Variants in PTPRD observed in about 807,000 individuals in gnomAD.
The protein encoded by PTPRD is receptor-type tyrosine-protein phosphatase delta.
In PTPRD, 34 loss-of-function variants were observed where a neutral mutation model predicts 214.5. The ratio of observed to expected loss-of-function variants is 0.16; its 90% CI spans 0.12 to 0.21. The LOEUF (loss-of-function observed/expected upper bound fraction) is 0.21, where lower values mean the gene tolerates loss of function less well. Among genes scored for constraint, PTPRD ranks in the 10% least tolerant of loss-of-function variants. The probability of loss-of-function intolerance (pLI) is 1.00; values close to 1 mark genes in which losing one functional copy is unlikely to be tolerated. For missense variants in PTPRD, 2,545 were observed against 2,398.7 expected (o/e 1.06, Z -1.27); for synonymous variants, 1,128 against 845.7 (o/e 1.33, Z -5.79).
intron 10 of PTPRD, among the ~76,000 whole-genome samples, chr9:9,056,039 G>T (rs1325812928): frequency 6.6e-6 from 1 of 152,004 alleles, no homozygotes; most frequent in Non-Finnish European, 1.5e-5. Flanking sequence ...TACTAGAGTA[G>T]TTCTGGACTT....
chr9:9,384,402 C>T (rs962360369), intron 9 of PTPRD, among the ~76,000 whole-genome samples: 11 of 110,518 alleles, frequency 1.0e-4, no homozygotes, highest in African/African-American at 3.1e-4. Context: ...GTCAACAACC[C>T]TATCCAAGAG....
chr9:8,992,081 A>C (rs2099372534), intron 11 of PTPRD, among the ~76,000 whole-genome samples: 1 of 152,154 alleles, frequency 6.6e-6, no homozygotes, highest in African/African-American at 2.4e-5. Flanking sequence ...TTCCTTTAAT[A>C]GTCTCCTGTT....
At chr9:10,281,973 T>C (rs1167372792) in intron 3 of PTPRD, among the ~76,000 whole-genome samples, 1 of 149,196 alleles carries the variant, frequency 6.7e-6, no homozygotes, top group East Asian at 2.0e-4. Flanking sequence ...ATTGGGGGCC[T>C]AAGTAGTTAA....
chr9:9,991,109 C>T (rs2095901359), intron 4 of PTPRD, among the ~76,000 whole-genome samples: 1 of 150,962 alleles, frequency 6.6e-6, no homozygotes, highest in South Asian at 2.1e-4. Flanking sequence ...TAATTTTGTA[C>T]TTTTAGTAGA....
intron 2 of PTPRD, among the ~76,000 whole-genome samples, chr9:10,360,384 A>G (rs149353561): frequency 1.3e-5 from 2 of 152,234 alleles, no homozygotes; most frequent in Non-Finnish European, 2.9e-5. Flanking sequence ...ATATCAGACA[A>G]TGTCATGCCA....
intron 2 of PTPRD, among the ~76,000 whole-genome samples, chr9:10,385,765 T>C (rs1203802546): frequency 1.3e-5 from 2 of 151,878 alleles, no homozygotes; most frequent in Non-Finnish European, 2.9e-5. Context: ...GACACATAGA[T>C]GGCTATCACA....
At chr9:8,364,613 C>G (rs2079327202) in intron 39 of PTPRD, among the ~76,000 whole-genome samples, 1 of 151,788 alleles carries the variant, frequency 6.6e-6, no homozygotes, top group South Asian at 2.1e-4. Context: ...CCTGCCAAGA[C>G]AGCATGTCAA....
Position 9,947,561 on chromosome 9 carries a change from ATTTT to A in PTPRD, c.-471-8955_-471-8952del, listed in dbSNP as rs1478865855. On this transcript the variant is annotated intron_variant, in intron 4 of 45. Coordinates refer to ENST00000381196, the MANE Select transcript of PTPRD (RefSeq NM_002839.4). ...TATATAATATATATATTATATATAT[ATTTT>A]ATATATATATTATATATATATTATA... Among the ~76,000 whole-genome samples the A allele has an allele frequency of 4.0e-4, 16 of 40,250 alleles. No homozygotes were observed. In the South Asian group the frequency reaches 8.3e-3, roughly 21 times the overall value. The allele number at this position is 40,250 out of a possible 152,430, so 26.4% of individuals were successfully genotyped here.
Position 8,467,207 on chromosome 9 carries a change from C to T in PTPRD, c.3505-1532G>A, listed in dbSNP as rs562671845. Among the ~76,000 whole-genome samples the T allele has an allele frequency of 5.9e-5, 9 of 151,850 alleles. No homozygotes were observed. The South Asian group carries it at 1.2e-3, about 21-fold the overall frequency. ...AATGTAAGCTGTTTTAGGAAAACCA[C>T]GGTAGATTGGGCATCACTTGTTTAG... is the stretch of plus-strand genomic sequence containing the variant. On this transcript the variant is annotated intron_variant, in intron 31 of 45. Coordinates refer to ENST00000381196, the MANE Select transcript of PTPRD (RefSeq NM_002839.4).
At chr9:8,774,051 C>T (rs190538563) in intron 11 of PTPRD, among the ~76,000 whole-genome samples, 5 of 152,272 alleles carry the variant, frequency 3.3e-5, no homozygotes, top group African/African-American at 1.2e-4. Flanking sequence ...TGTTACAGTG[C>T]CCATTACTTT....
At chr9:8,818,280 C>T (rs1023307696) in intron 11 of PTPRD, among the ~76,000 whole-genome samples, 2 of 152,106 alleles carry the variant, frequency 1.3e-5, no homozygotes, top group Non-Finnish European at 1.5e-5. Flanking sequence ...GGAAAATTTA[C>T]AATCTATATT....
intron 5 of PTPRD, among the ~76,000 whole-genome samples, chr9:9,913,211 C>T (rs1016443317): frequency 1.3e-5 from 2 of 152,090 alleles, no homozygotes; most frequent in African/African-American, 4.8e-5. Flanking sequence ...TAGTATTTCA[C>T]TGTTAATGTG....
chr9:8,921,557 G>A (rs1005735003), intron 11 of PTPRD, among the ~76,000 whole-genome samples: 10 of 151,740 alleles, frequency 6.6e-5, no homozygotes, highest in African/African-American at 2.4e-4. Flanking sequence ...GCTGTGGCAC[G>A]ATCTTGGCTC....
At chr9:8,442,659 A>G (rs2095586564) in intron 34 of PTPRD, among the ~76,000 whole-genome samples, 1 of 152,192 alleles carries the variant, frequency 6.6e-6, no homozygotes, top group African/African-American at 2.4e-5. Flanking sequence ...CATTCATTAA[A>G]TATTTGTCAT....
At chr9:10,116,029 T>C (rs1432931897) in intron 3 of PTPRD, among the ~76,000 whole-genome samples, 3 of 152,084 alleles carry the variant, frequency 2.0e-5, no homozygotes, top group Admixed American at 2.0e-4. Flanking sequence ...CATGTTATGG[T>C]TTATTAGGGA....
At chr9:8,546,947 C>T (rs533002071) in intron 14 of PTPRD, among the ~76,000 whole-genome samples, 6 of 152,290 alleles carry the variant, frequency 3.9e-5, no homozygotes, top group African/African-American at 1.4e-4. Context: ...CACAGAAGTC[C>T]ATGGCATGGA....
At chr9:8,703,018 A>G (rs1487811726) in intron 12 of PTPRD, among the ~76,000 whole-genome samples, 2 of 152,222 alleles carry the variant, frequency 1.3e-5, no homozygotes, top group African/African-American at 2.4e-5. Flanking sequence ...ATTATTCATA[A>G]AGACAATTTC....
chr9:8,972,611 C>A (rs899557757), intron 11 of PTPRD, among the ~76,000 whole-genome samples: 1 of 151,846 alleles, frequency 6.6e-6, no homozygotes, highest in South Asian at 2.1e-4. Context: ...TAGTCAATAA[C>A]CTTGATATTA....
chr9:10,534,628 G>C (rs113760092), intron 2 of PTPRD, among the ~76,000 whole-genome samples: 75 of 152,096 alleles, frequency 4.9e-4, no homozygotes, highest in African/African-American at 1.8e-3. Context: ...CCAAATTTTT[G>C]TTTAATTCGT....
Sources: allele counts gnomAD v4.1 joint callset (sites outside exome capture counted in the v4.1 genomes callset), GRCh38; gene constraint gnomAD v4.1.1; transcripts MANE v1.5; gene names NCBI Gene and HGNC (gene_info 2026-07-23, HGNC 2026-07-21).